Variants in DACH2 observed in about 807,000 individuals in gnomAD.
DACH2 encodes dachshund homolog 2.
In DACH2, 17 loss-of-function variants were observed where a neutral mutation model predicts 35.8. The observed-to-expected ratio is 0.48, with a 90% CI of 0.33 to 0.71. The LOEUF (loss-of-function observed/expected upper bound fraction) is 0.71, where lower values mean the gene tolerates loss of function less well. Among genes scored for constraint, DACH2 ranks in the 30% least tolerant of loss-of-function variants. The pLI, the probability that DACH2 is intolerant of heterozygous loss-of-function variation, is 0.02. For synonymous variants in DACH2, 195 were observed against 177.3 expected, an observed-to-expected ratio of 1.10 and a Z score of -0.79; for missense variants, 469 against 472.7, an observed-to-expected ratio of 0.99 and a Z score of 0.07.
At chrX:86,597,266 A>G (rs2039724961) in intron 3 of DACH2, among the ~76,000 whole-genome samples, 1 of 111,936 alleles carries the variant, frequency 8.9e-6, no homozygotes, top group Non-Finnish European at 1.9e-5. Context: ...TCATGAACAC[A>G]GGATGTCTTT....
At chrX:86,552,413 G>A (rs28612708) in intron 3 of DACH2, among the ~76,000 whole-genome samples, 732 of 111,519 alleles carry the variant, frequency 6.6e-3, no homozygotes, top group African/African-American at 0.022. Context: ...CACTAAAGAC[G>A]TATTTACTTA....
intron 7 of DACH2, among the ~76,000 whole-genome samples, chrX:86,812,346 T>C (rs1250399385): frequency 6.3e-5 from 7 of 111,295 alleles, no homozygotes; most frequent in African/African-American, 2.3e-4. Flanking sequence ...ATAGGGGAAA[T>C]TAAGATGTTC....
At chrX:86,365,015 C>T (rs1005160343) in intron 1 of DACH2, among the ~76,000 whole-genome samples, 65 of 110,831 alleles carry the variant, frequency 5.9e-4, no homozygotes, top group African/African-American at 2.0e-3. Context: ...AGAATAAAAC[C>T]CACTAGCGAC....
intron 1 of DACH2, among the ~76,000 whole-genome samples, chrX:86,312,197 A>G (rs1404519657): frequency 8.9e-6 from 1 of 112,390 alleles, no homozygotes; most frequent in Non-Finnish European, 1.9e-5. Context: ...TTCTGCATGT[A>G]TACACTTGTA....
chrX:86,770,212 A>G (rs780940436), intron 7 of DACH2, among the ~76,000 whole-genome samples: 4 of 109,780 alleles, frequency 3.6e-5, no homozygotes, highest in Non-Finnish European at 7.6e-5. Context: ...ATATTCATGT[A>G]GGTGGGCTAT....
chrX:86,635,203 G>T (rs1011443355), intron 3 of DACH2, among the ~76,000 whole-genome samples: 1 of 110,352 alleles, frequency 9.1e-6, no homozygotes, highest in Non-Finnish European at 1.9e-5. Flanking sequence ...GGGATGCAAG[G>T]TTGCTTCAAC....
intron 2 of DACH2, chrX:86,512,969 A>G (rs2038415974): frequency 3.1e-6 from 1 of 326,206 alleles, no homozygotes; most frequent in Non-Finnish European, 5.9e-6. Context: ...TCAAATGAGA[A>G]AAACAGAATC....
At chrX:86,335,953 C>T (rs1201224120) in intron 1 of DACH2, among the ~76,000 whole-genome samples, 1 of 111,808 alleles carries the variant, frequency 8.9e-6, no homozygotes, top group Non-Finnish European at 1.9e-5. Context: ...GAGTTTTTAG[C>T]ATGAAGGGCT....
rs753509990 is a variant in DACH2, at chrX:86,227,204, A to T, written c.488+78096A>T. ...ACAATAATATGAAACGGGTTTTATG[A>T]TGTGTAAATTATCTTTCATGTGTTT... On this transcript the variant is annotated intron_variant, in intron 1 of 11. Transcript: ENST00000373125. Among the ~76,000 whole-genome samples the T allele has an allele frequency of 5.4e-5, 6 of 111,493 alleles. No individual in the cohort carries two copies. The East Asian group carries it at 1.7e-3, about 31-fold the overall frequency.
At chrX:86,684,633 T>G (rs1157810052) in intron 4 of DACH2, among the ~76,000 whole-genome samples, 1 of 111,191 alleles carries the variant, frequency 9.0e-6, no homozygotes, top group Non-Finnish European at 1.9e-5. Context: ...ATCCATAATA[T>G]TACACTTTTA....
chrX:86,381,132 T>C (rs780392652), intron 2 of DACH2, among the ~76,000 whole-genome samples: 69 of 110,032 alleles, frequency 6.3e-4, no homozygotes, highest in Non-Finnish European at 1.2e-3. Flanking sequence ...GTGGGCTATG[T>C]GTGTCTTCAA....
chrX:86,296,162 G>A (rs1425774520), intron 1 of DACH2, among the ~76,000 whole-genome samples: 4 of 106,914 alleles, frequency 3.7e-5, no homozygotes, highest in Non-Finnish European at 5.8e-5. Context: ...GGCGGATCAC[G>A]AGGTCAGGAG....
chrX:86,561,807 A>G (rs1267868752), intron 3 of DACH2, among the ~76,000 whole-genome samples: 1 of 65,894 alleles, frequency 1.5e-5, no homozygotes, highest in Non-Finnish European at 2.7e-5. Context: ...GCTAGATGAC[A>G]CGTTAGTGGG....
At chrX:86,656,448 A>T (rs2040541085) in intron 4 of DACH2, among the ~76,000 whole-genome samples, 1 of 110,938 alleles carries the variant, frequency 9.0e-6, no homozygotes, top group African/African-American at 3.3e-5. Context: ...ACTGATTCAT[A>T]GTTCCTTGAT....
At chrX:86,485,456 A>G (rs1398737581) in intron 2 of DACH2, among the ~76,000 whole-genome samples, 2 of 111,302 alleles carry the variant, frequency 1.8e-5, no homozygotes, top group Non-Finnish European at 3.8e-5. Context: ...CTGGTGTTCT[A>G]TTGCTTAGTA....
intron 2 of DACH2, among the ~76,000 whole-genome samples, chrX:86,387,025 A>G (rs756587452): frequency 3.2e-4 from 36 of 111,787 alleles, no homozygotes; most frequent in Admixed American, 2.2e-3. Context: ...GCAGCAAGAA[A>G]AGAATGAAAA....
intron 1 of DACH2, among the ~76,000 whole-genome samples, chrX:86,179,503 A>G: frequency 8.9e-6 from 1 of 112,122 alleles, no homozygotes; most frequent in Non-Finnish European, 1.9e-5. Context: ...AGTAATGTGT[A>G]GTAGATGAAT....
chrX:86,478,177 G>A (rs1468784017), intron 2 of DACH2, among the ~76,000 whole-genome samples: 1 of 111,653 alleles, frequency 9.0e-6, no homozygotes, highest in African/African-American at 3.3e-5. Context: ...GTATTTTTCT[G>A]TGTGGTTACT....
At chrX:86,304,405 G>T (rs185707667) in intron 1 of DACH2, 2 of 112,286 alleles carry the variant, frequency 1.8e-5, no homozygotes, top group East Asian at 5.6e-4. Flanking sequence ...CTGAGTTTTG[G>T]TTCTCTCATC....
Sources: allele counts gnomAD v4.1 joint callset (sites outside exome capture counted in the v4.1 genomes callset), GRCh38; gene constraint gnomAD v4.1.1; transcripts MANE v1.5; gene names NCBI Gene and HGNC (gene_info 2026-07-23, HGNC 2026-07-21).